RARB: variants seen among roughly 807,000 people sequenced by gnomAD.
RARB encodes the protein retinoic acid receptor beta.
Under a neutral mutation model 51.9 loss-of-function variants are expected in RARB, and 17 were observed. The ratio of observed to expected loss-of-function variants is 0.33; its 90% CI spans 0.22 to 0.49. RARB has a LOEUF of 0.49. Among genes scored for constraint, RARB ranks in the 20% least tolerant of loss-of-function variants. The pLI is 0.99. For missense variants in RARB, 369 were observed against 550.8 expected, an observed-to-expected ratio of 0.67 and a Z score of 3.30; for synonymous variants, 215 against 195.4, an observed-to-expected ratio of 1.10 and a Z score of -0.84.
At chr3:25,571,398 C>T (rs984293349) in intron 4 of RARB, among the ~76,000 whole-genome samples, 1 of 152,184 alleles carries the variant, frequency 6.6e-6, no homozygotes, top group African/African-American at 2.4e-5. Flanking sequence ...GCAAATGAGC[C>T]GGGCTTTGAG....
chr3:25,521,626 G>A (rs1418971996), intron 3 of RARB, among the ~76,000 whole-genome samples: 4 of 152,154 alleles, frequency 2.6e-5, no homozygotes, highest in Non-Finnish European at 4.4e-5. Flanking sequence ...TGTAGAAGCT[G>A]TCTATTAAAA....
At chr3:25,588,119 T>A (rs1273722853) in intron 5 of RARB, among the ~76,000 whole-genome samples, 1 of 152,192 alleles carries the variant, frequency 6.6e-6, no homozygotes. Context: ...TGGTGACAAC[T>A]GCTATGAAGA....
At chr3:25,254,226 G>A (rs114918778) in intron 5 of RARB, among the ~76,000 whole-genome samples, 1,802 of 152,220 alleles carry the variant, frequency 0.012, 38 homozygotes, top group African/African-American at 0.041. Context: ...CCTATTATCC[G>A]AAAGAGAGCT....
rs531235172 is a variant in RARB at position 24,863,691 on chromosome 3, T to C, written c.-380+4939T>C. On this transcript the variant is annotated intron_variant, in intron 2 of 11. Transcript: ENST00000383772. Reference sequence around the variant, plus strand: ...GACTAGGGGAGGCGGAAATTTTCTATGAAGCAACAAGTTTGACTTTTTTTT... The same window carrying C: ...GACTAGGGGAGGCGGAAATTTTCTACGAAGCAACAAGTTTGACTTTTTTTT... Among the ~76,000 whole-genome samples the C allele has an allele frequency of 2.0e-5, 3 of 151,936 alleles. No homozygotes were observed. The East Asian group carries it at 5.8e-4, about 29-fold the overall frequency.
At chr3:24,954,682 A>G (rs1273405932) in intron 2 of RARB, among the ~76,000 whole-genome samples, 2 of 152,126 alleles carry the variant, frequency 1.3e-5, no homozygotes, top group Non-Finnish European at 2.9e-5. Flanking sequence ...GGGTGGAGTC[A>G]TTATTGCTAA....
chr3:25,169,170 A>G (rs966152722), intron 4 of RARB, among the ~76,000 whole-genome samples: 2 of 152,210 alleles, frequency 1.3e-5, no homozygotes, highest in Non-Finnish European at 2.9e-5. Flanking sequence ...TTTACCTCCC[A>G]CATAACATCC....
chr3:25,235,338 C>T (rs1025185986), intron 5 of RARB, among the ~76,000 whole-genome samples: 3 of 151,996 alleles, frequency 2.0e-5, no homozygotes, highest in Non-Finnish European at 4.4e-5. Flanking sequence ...ATACTATAAG[C>T]AAAATTTTGC....
intron 5 of RARB, among the ~76,000 whole-genome samples, chr3:25,381,133 T>C (rs1389109998): frequency 6.6e-6 from 1 of 152,214 alleles, no homozygotes; most frequent in Non-Finnish European, 1.5e-5. Flanking sequence ...TGACAGGGTA[T>C]AGGCAAATGA....
intron 2 of RARB, among the ~76,000 whole-genome samples, chr3:24,976,632 T>A (rs1696519621): frequency 6.6e-6 from 1 of 152,342 alleles, no homozygotes; most frequent in African/African-American, 2.4e-5. Flanking sequence ...TCTTGTAAAT[T>A]TAAGTTCTTT....
chr3:25,086,905 T>C (rs574498739), intron 3 of RARB, among the ~76,000 whole-genome samples: 1 of 152,284 alleles, frequency 6.6e-6, no homozygotes, highest in African/African-American at 2.4e-5. Flanking sequence ...GAATGTTTCT[T>C]ATCAGACTTA....
chr3:25,284,796 A>G (rs1449745891), intron 5 of RARB, among the ~76,000 whole-genome samples: 1 of 152,216 alleles, frequency 6.6e-6, no homozygotes, highest in African/African-American at 2.4e-5. Flanking sequence ...ACACAAATCA[A>G]AAACACAGTA....
intron 2 of RARB, among the ~76,000 whole-genome samples, chr3:25,026,740 A>T (rs1199090901): frequency 6.6e-6 from 1 of 152,194 alleles, no homozygotes; most frequent in Non-Finnish European, 1.5e-5. Context: ...GGAGAGAAAA[A>T]AATACTATTT....
chr3:25,095,067 C>G (rs761574294), intron 3 of RARB, among the ~76,000 whole-genome samples: 1 of 152,142 alleles, frequency 6.6e-6, no homozygotes, highest in African/African-American at 2.4e-5. Flanking sequence ...GGCCTCTGGT[C>G]CAGTGATTTT....
intron 5 of RARB, among the ~76,000 whole-genome samples, chr3:25,354,439 C>A (rs1487022948): frequency 1.3e-5 from 2 of 152,092 alleles, no homozygotes; most frequent in East Asian, 1.9e-4. Context: ...AAACTTATAT[C>A]AACATCCTCT....
intron 4 of RARB, among the ~76,000 whole-genome samples, chr3:25,172,019 T>C (rs1400659424): frequency 6.6e-6 from 1 of 152,162 alleles, no homozygotes; most frequent in African/African-American, 2.4e-5. Context: ...AAAAAGGCAT[T>C]GAAATTTTGG....
chr3:25,218,558 T>C (rs1277174840), intron 5 of RARB, among the ~76,000 whole-genome samples: 1 of 152,030 alleles, frequency 6.6e-6, no homozygotes, highest in Non-Finnish European at 1.5e-5. Context: ...CAACCAGTGG[T>C]TTCTTGAACT....
chr3:25,073,341 T>G (rs1300207589), intron 3 of RARB, among the ~76,000 whole-genome samples: 1 of 152,210 alleles, frequency 6.6e-6, no homozygotes, highest in East Asian at 1.9e-4. Flanking sequence ...TCCCTCAATT[T>G]TAAAACACAA....
At chr3:25,126,540 T>G (rs371919841) in intron 3 of RARB, among the ~76,000 whole-genome samples, 1 of 152,154 alleles carries the variant, frequency 6.6e-6, no homozygotes, top group Non-Finnish European at 1.5e-5. Context: ...GAATGTCTCT[T>G]TGCACCTGCA....
intron 2 of RARB, among the ~76,000 whole-genome samples, chr3:25,037,855 A>G (rs1698030157): frequency 6.6e-6 from 1 of 152,172 alleles, no homozygotes; most frequent in East Asian, 1.9e-4. Context: ...AGGATCTGCA[A>G]AGACTTCCAG....
Sources: allele counts gnomAD v4.1 joint callset (sites outside exome capture counted in the v4.1 genomes callset), GRCh38; gene constraint gnomAD v4.1.1; transcripts MANE v1.5; gene names NCBI Gene and HGNC (gene_info 2026-07-23, HGNC 2026-07-21).